LSAMP: variants seen among roughly 807,000 people sequenced by gnomAD.
The protein encoded by LSAMP is limbic system associated membrane protein.
A neutral mutation model predicts 38.6 loss-of-function variants in LSAMP; 7 were observed. The ratio of observed to expected loss-of-function variants is 0.18; its 90% confidence interval spans 0.10 to 0.34. The LOEUF is 0.34. Ranked by LOEUF, LSAMP falls within the 10% of genes least tolerant of loss-of-function variation. The probability of loss-of-function intolerance (pLI) is 1.00; values close to 1 mark genes in which losing one functional copy is unlikely to be tolerated. For missense variants in LSAMP, 313 were observed against 420.0 expected, an observed-to-expected ratio of 0.75 and a Z score of 2.23; for synonymous variants, 154 against 166.8, an observed-to-expected ratio of 0.92 and a Z score of 0.59.
intron 1 of LSAMP, among the ~76,000 whole-genome samples, chr3:116,102,318 A>G (rs948349833): frequency 6.6e-6 from 1 of 152,234 alleles, no homozygotes; most frequent in African/African-American, 2.4e-5. Context: ...ATAAAACACA[A>G]TCTCAGAATT....
chr3:115,966,994 G>T (rs369624381), intron 3 of LSAMP, among the ~76,000 whole-genome samples: 2 of 152,138 alleles, frequency 1.3e-5, no homozygotes, highest in African/African-American at 2.4e-5. Flanking sequence ...TATAGGTAAG[G>T]TTCTATTTTT....
intron 2 of LSAMP, among the ~76,000 whole-genome samples, chr3:116,050,354 A>G (rs1941371666): frequency 6.6e-6 from 1 of 151,884 alleles, no homozygotes; most frequent in Non-Finnish European, 1.5e-5. Context: ...ATCCCCCTTG[A>G]TTTCCTTACC....
At chr3:116,318,837 G>C (rs1185703467) in intron 1 of LSAMP, among the ~76,000 whole-genome samples, 1 of 152,130 alleles carries the variant, frequency 6.6e-6, no homozygotes. Flanking sequence ...TTGACAGAGA[G>C]AATTAAAACT....
At chr3:116,198,323 A>T (rs984058183) in intron 1 of LSAMP, among the ~76,000 whole-genome samples, 1 of 152,200 alleles carries the variant, frequency 6.6e-6, no homozygotes, top group African/African-American at 2.4e-5. Context: ...TTAAGGGAGA[A>T]GAATGAGAAC....
At chr3:115,928,748 A>G (rs1033143993) in intron 3 of LSAMP, among the ~76,000 whole-genome samples, 1 of 152,178 alleles carries the variant, frequency 6.6e-6, no homozygotes, top group Non-Finnish European at 1.5e-5. Context: ...ATGTTGAGGA[A>G]ACTTAACCCC....
At chr3:116,117,187 T>A (rs1708771802) in intron 1 of LSAMP, among the ~76,000 whole-genome samples, 1 of 152,202 alleles carries the variant, frequency 6.6e-6, no homozygotes, top group South Asian at 2.1e-4. Flanking sequence ...ACTTATATAA[T>A]TATTTTTAAA....
intron 1 of LSAMP, among the ~76,000 whole-genome samples, chr3:116,218,776 T>A (rs919675188): frequency 1.6e-4 from 25 of 152,292 alleles, no homozygotes; most frequent in African/African-American, 5.3e-4. Flanking sequence ...GTCTCCCAAG[T>A]AGCTAGGACT....
intron 3 of LSAMP, among the ~76,000 whole-genome samples, chr3:115,954,986 GC>G (rs1938408746): frequency 2.0e-5 from 3 of 146,402 alleles, no homozygotes; most frequent in African/African-American, 7.6e-5. Flanking sequence ...ATGGAGTCTT[GC>G]CCTGTCACCC....
At chr3:115,889,174 T>A (rs955491013) in intron 3 of LSAMP, among the ~76,000 whole-genome samples, 5 of 151,948 alleles carry the variant, frequency 3.3e-5, no homozygotes, top group Non-Finnish European at 7.4e-5. Flanking sequence ...AGCCTGAAGA[T>A]GGGCAAGGTT....
At chr3:116,188,730 T>C (rs568512815) in intron 1 of LSAMP, among the ~76,000 whole-genome samples, 1 of 152,312 alleles carries the variant, frequency 6.6e-6, no homozygotes, top group South Asian at 2.1e-4. Context: ...TTCTTGAGCT[T>C]CTACTATATT....
intron 2 of LSAMP, among the ~76,000 whole-genome samples, chr3:116,061,617 A>G (rs763487550): frequency 1.3e-5 from 2 of 152,184 alleles, no homozygotes; most frequent in Non-Finnish European, 2.9e-5. Context: ...CACCTCCAGT[A>G]TTCTCCTTCC....
intron 3 of LSAMP, among the ~76,000 whole-genome samples, chr3:115,889,003 G>T (rs188208957): frequency 2.0e-5 from 3 of 151,864 alleles, no homozygotes; most frequent in African/African-American, 7.3e-5. Flanking sequence ...GGACAGGAAG[G>T]GAAAGAAAGC....
intron 1 of LSAMP, among the ~76,000 whole-genome samples, chr3:116,306,218 C>T (rs1043227266): frequency 2.0e-5 from 3 of 151,978 alleles, no homozygotes; most frequent in Non-Finnish European, 4.4e-5. Flanking sequence ...TAGAAGGTAG[C>T]ACATTCTCCT....
chr3:115,913,771 G>C (rs945695064), intron 3 of LSAMP, among the ~76,000 whole-genome samples: 2 of 152,090 alleles, frequency 1.3e-5, no homozygotes, highest in Non-Finnish European at 2.9e-5. Flanking sequence ...TTCCCATGAG[G>C]TTCTTCCATA....
At chr3:116,019,768 G>T in intron 2 of LSAMP, 128 bp from the exon 3 acceptor site, 1 of 1,012,460 alleles carries the variant, frequency 9.9e-7, no homozygotes, top group Non-Finnish European at 1.5e-6. Flanking sequence ...GAAGTAGGAT[G>T]CTTTTAAGAC....
At chr3:116,127,360 C>T (rs1709030590) in intron 1 of LSAMP, among the ~76,000 whole-genome samples, 2 of 152,150 alleles carry the variant, frequency 1.3e-5, no homozygotes, top group Admixed American at 1.3e-4. Context: ...CTCTTCCCAT[C>T]TATACATCCC....
At chr3:116,296,054 G>A (rs777214807) in intron 1 of LSAMP, among the ~76,000 whole-genome samples, 20 of 152,078 alleles carry the variant, frequency 1.3e-4, no homozygotes, top group Non-Finnish European at 2.5e-4. Context: ...ATATGAATAC[G>A]GTCACCATAA....
intron 1 of LSAMP, among the ~76,000 whole-genome samples, chr3:116,255,338 A>G (rs548553155): frequency 6.6e-6 from 1 of 152,338 alleles, no homozygotes; most frequent in South Asian, 2.1e-4. Flanking sequence ...CATACAAGAG[A>G]GAGAAAGAAC....
chr3:116,027,394 G>C (rs1472145366), intron 2 of LSAMP, among the ~76,000 whole-genome samples: 1 of 152,162 alleles, frequency 6.6e-6, no homozygotes, highest in East Asian at 1.9e-4. Context: ...GAGATACGGG[G>C]CTTGTGTACT....
Sources: gnomAD v4.1 joint callset for allele counts (sites outside exome capture counted in the v4.1 genomes callset) on GRCh38, gnomAD v4.1.1 for gene constraint, MANE v1.5 for transcripts, NCBI Gene and HGNC (gene_info 2026-07-23, HGNC 2026-07-21) for gene names.